Variants in NFE2L1 observed in about 807,000 individuals in gnomAD.
The protein encoded by NFE2L1 is NFE2 like bZIP transcription factor 1, also known as endoplasmic reticulum membrane sensor NFE2L1.
NFE2L1 carries 18 observed loss-of-function variants against 61.6 expected under a neutral mutation model. The ratio of observed to expected loss-of-function variants is 0.29; its 90% confidence interval spans 0.20 to 0.43. The LOEUF (loss-of-function observed/expected upper bound fraction) is 0.43, where lower values mean the gene tolerates loss of function less well. NFE2L1 is among the 20% of genes least tolerant of loss of function. The probability of loss-of-function intolerance (pLI) is 1.00; values close to 1 mark genes in which losing one functional copy is unlikely to be tolerated. For missense variants in NFE2L1, 827 were observed against 973.5 expected, an observed-to-expected ratio of 0.85 and a Z score of 2.00; for synonymous variants, 419 against 402.7, an observed-to-expected ratio of 1.04 and a Z score of -0.48.
rs2037485667 is a variant in NFE2L1 at position 48,059,255 on chromosome 17, T to C, written c.1933T>C (p.Tyr645His). 3 of 1,614,108 alleles carry C rather than the reference T, an allele frequency of 1.9e-6. No individual in the cohort carries two copies. In the East Asian group the frequency reaches 6.7e-5, roughly 36 times the overall value. Residue 645 changes from tyrosine (Y) to histidine (H), a missense_variant, in exon 6 of 6, where the codon TAC (tyrosine) becomes CAC (histidine). Coordinates refer to ENST00000362042, the MANE Select transcript of NFE2L1 (RefSeq NM_003204.3). This position sits in a 1 kb window ranked among gnomAD's most constrained non-coding sequence, Gnocchi z 6.1. ...VEEFNELLSKYQLSEAQLSLI... is the reference protein window; with the variant it reads ...VEEFNELLSKHQLSEAQLSLI... The stretch of plus-strand genomic sequence containing the variant: ...GGAGTTCAATGAACTGCTGTCCAAA[T>C]ACCAGTTGAGTGAAGCCCAGCTGAG...
At chr17:48,056,926 G>C (rs888077624) in intron 3 of NFE2L1, 106 bp from the exon 4 acceptor site, 2 of 1,145,956 alleles carry the variant, frequency 1.7e-6, no homozygotes, top group African/African-American at 3.1e-5. Context: ...CCATTAGCCT[G>C]GGAATGGGAG....
In NFE2L1 at chr17:48,057,407, C is replaced by T; in HGVS notation, c.877C>T (p.Gln293Ter). Residue 293 changes from glutamine to a stop codon, truncating the protein, a stop_gained, in exon 5 of 6, where the codon CAA becomes TAA. Transcript: ENST00000362042. LOFTEE classifies it high-confidence loss of function. ...TAGTGAGAGTGAGCCCCCTGCTCTT[C>T]AAAACAACCTCTTGTCTCCTCTTCT... ...VPSESEPPALQNNLLSPLLTG... is the reference protein window; with the variant it reads ...VPSESEPPAL 6.2e-7 allele frequency: 1 copy of T among 1,614,208 alleles called. No homozygotes were observed.
In NFE2L1 at chr17:48,051,360, G is replaced by A. The variant is rs370850258; in HGVS notation, c.242G>A (p.Arg81Gln). The A allele has an allele frequency of 2.2e-5, 35 of 1,613,970 alleles. No individual in the cohort carries two copies. Among genetic ancestry groups the A allele is most frequent in the Non-Finnish European group, 2.7e-5 (32 of 1,180,034 alleles). The change falls in exon 2 of 6, where the codon CGG (arginine) becomes CAG (glutamine). Residue 81 changes from arginine to glutamine, a missense_variant. Arg to Gln is a conservative substitution (Grantham distance 43, BLOSUM62 1). This residue lies in a region of NFE2L1 where 667 missense variants were observed against 748.4 expected (regional missense o/e 0.89). Coordinates refer to ENST00000362042, the MANE Select transcript of NFE2L1 (RefSeq NM_003204.3). ...GACCTGGACAATTACTTCACTGCCCGGCGGCTCCTCAGTCAGGTGAGGGCC... is the reference window on the plus strand; with the variant it reads ...GACCTGGACAATTACTTCACTGCCCAGCGGCTCCTCAGTCAGGTGAGGGCC... ...SIDLDNYFTA[R>Q]RLLSQVRALD...
intron 1 of NFE2L1, among the ~76,000 whole-genome samples, chr17:48,049,326 C>T (rs774496627): frequency 6.6e-6 from 1 of 152,218 alleles, no homozygotes; most frequent in Non-Finnish European, 1.5e-5. Flanking sequence ...AAATTCTGGA[C>T]GGAATAGTCC....
rs1346016831 is a variant in NFE2L1, at chr17:48,059,010, C to T, written c.1688C>T (p.Ser563Leu). The change falls in exon 6 of 6, where the codon TCA becomes TTA. Residue 563 changes from serine to leucine, a missense_variant. Around this residue, in one of 3 missense-constraint regions of NFE2L1, gnomAD observed 667 missense variants for 748.4 expected, o/e 0.89. Coordinates refer to ENST00000362042, the MANE Select transcript of NFE2L1 (RefSeq NM_003204.3). This position sits in a 1 kb window ranked among gnomAD's most constrained non-coding sequence, Gnocchi z 6.1. The stretch of plus-strand genomic sequence containing the variant: ...AGCTACCAGGATCCAGCTCAGCTCT[C>T]ATGCCTGCCCTACCTGGAGCACGTG... ...RMSYQDPAQLSCLPYLEHVGH... is the reference protein window; with the variant it reads ...RMSYQDPAQLLCLPYLEHVGH... 4.3e-6 allele frequency: 7 copies of T among 1,614,116 alleles called. No homozygotes were observed. Among genetic ancestry groups the T allele is most frequent in the Non-Finnish European group, 5.9e-6 (7 of 1,180,050 alleles).
At position 48,056,382 on chromosome 17, in the gene NFE2L1, T is replaced by C. The variant is rs771797483; in HGVS notation, c.511-4T>C. ...GAGCTAAAGTCATGTGATCTGTCTT[T>C]CAGGACATAGATCTGATTGACATCC... On this transcript the variant is annotated splice_polypyrimidine_tract_variant and splice_region_variant and intron_variant, in intron 2 of 5. Coordinates refer to ENST00000362042, the MANE Select transcript of NFE2L1 (RefSeq NM_003204.3). The C allele has an allele frequency of 3.1e-6, 5 of 1,614,134 alleles. No homozygotes were observed. The South Asian group carries it at 3.3e-5, about 11-fold the overall frequency.
Position 48,057,481 on chromosome 17 carries a change from C to T in NFE2L1, c.951C>T (p.Leu317=), listed in dbSNP as rs374254839. The T allele has an allele frequency of 1.2e-6, 2 of 1,612,998 alleles. No homozygotes were observed. The highest frequency in any genetic ancestry group is 1.3e-5 in the African/African-American group (1 of 74,886). Reference sequence around the variant, plus strand: ...ATTTGGAACAGCAGTGGCAAGATCTCATGTCCATCATGGAAATGCAGGTAG... The same window carrying T: ...ATTTGGAACAGCAGTGGCAAGATCTTATGTCCATCATGGAAATGCAGGTAG... The part of the protein sequence containing the change: ...PFDLEQQWQD[L]MSIMEMQAME... Residue 317 remains leucine, a synonymous_variant, in exon 5 of 6, where the codon CTC becomes CTT. Transcript: ENST00000362042.
rs528359921 is a variant in NFE2L1 at position 48,055,319 on chromosome 17, C to CT, written c.511-1064dup. Among the ~76,000 whole-genome samples the CT allele has an allele frequency of 2.6e-4, 40 of 152,198 alleles. No individual in the cohort carries two copies. In the East Asian group the frequency reaches 7.1e-3, roughly 27 times the overall value. ...TTTAACCCCTGGATGGAAGGCAACACTTTAGGGTTTCTTCAGGCTTGTAGG... is the reference window on the plus strand; with the variant it reads ...TTTAACCCCTGGATGGAAGGCAACACTTTTAGGGTTTCTTCAGGCTTGTAGG... On this transcript the variant is annotated intron_variant, in intron 2 of 5. Coordinates refer to ENST00000362042, the MANE Select transcript of NFE2L1 (RefSeq NM_003204.3).
intron 4 of NFE2L1, 71 bp from the exon 5 acceptor site, chr17:48,057,273 G>A (rs1355516077): frequency 5.0e-6 from 8 of 1,597,614 alleles, no homozygotes; most frequent in Middle Eastern, 1.8e-4. Context: ...ACAGGTCCAG[G>A]TGGTAATCTC....
chr17:48,057,069 A>G lies in NFE2L1; in HGVS notation c.761A>G (p.Glu254Gly). 2.5e-6 allele frequency: 4 copies of G among 1,613,802 alleles called. No individual in the cohort carries two copies. The highest frequency in any genetic ancestry group is 3.4e-6 in the Non-Finnish European group (4 of 1,179,938). The change falls in exon 4 of 6, where the codon GAA becomes GGA. Residue 254 changes from glutamate (E) to glycine (G), a missense_variant. Physicochemically the swap from Glu to Gly is moderately conservative, Grantham distance 98 (BLOSUM62 -2). This residue lies in a region of NFE2L1 where 667 missense variants were observed against 748.4 expected (regional missense o/e 0.89). Transcript: ENST00000362042. ...SGEDQTALSL[E>G]ECLRLLEATC... ...GAGGACCAGACGGCCCTGTCCCTGG[A>G]AGAGTGCCTTAGGCTGCTGGAAGCC... is the stretch of plus-strand genomic sequence containing the variant.
intron 4 of NFE2L1, 76 bp from the exon 5 acceptor site, chr17:48,057,268 T>C: frequency 6.3e-7 from 1 of 1,595,868 alleles, no homozygotes. Flanking sequence ...CAGAAACAGG[T>C]CCAGGTGGTA....
chr17:48,050,664 C>T lies in NFE2L1; in HGVS notation c.-455C>T, dbSNP rs894923265. 6.9e-6 allele frequency: 3 copies of T among 431,970 alleles called. No individual in the cohort carries two copies. Among genetic ancestry groups the T allele is most frequent in the Admixed American group, 3.8e-5 (1 of 26,120 alleles). The allele number at this position is 431,970 out of a possible 1,614,324, so 26.8% of individuals were successfully genotyped here. Reference sequence around the variant, plus strand: ...GGAGGCGGGACACTCTGACCCAAGACGAAAGGCCTGTAGCTCCAGCCAAAG... The same window carrying T: ...GGAGGCGGGACACTCTGACCCAAGATGAAAGGCCTGTAGCTCCAGCCAAAG... On this transcript the variant is annotated 5_prime_UTR_variant, in exon 2 of 6. In the 5' UTR this introduces an upstream ATG that the reference lacks. Transcript: ENST00000362042.
chr17:48,056,543 C>G lies in NFE2L1; in HGVS notation c.668C>G (p.Ala223Gly). ...QDTWAGEGAE[A>G]LARNLLVDGE... Reference sequence around the variant, plus strand: ...ACCTGGGCAGGCGAGGGCGCGGAAGCTCTGGCACGGAACCTGCTAGTGGAT... The same window carrying G: ...ACCTGGGCAGGCGAGGGCGCGGAAGGTCTGGCACGGAACCTGCTAGTGGAT... Residue 223 changes from alanine to glycine, a missense_variant, in exon 3 of 6, where the codon GCT (alanine) becomes GGT (glycine). Coordinates refer to ENST00000362042, the MANE Select transcript of NFE2L1 (RefSeq NM_003204.3). 6.2e-7 allele frequency: 1 copy of G among 1,614,072 alleles called. No homozygotes were observed. Among genetic ancestry groups the G allele is most frequent in the Non-Finnish European group, 8.5e-7 (1 of 1,180,004 alleles).
chr17:48,052,631 T>C (rs1018381683), intron 2 of NFE2L1, among the ~76,000 whole-genome samples: 1 of 152,248 alleles, frequency 6.6e-6, no homozygotes, highest in Admixed American at 6.5e-5. Context: ...CTTAGTTCTC[T>C]GACTGTTAGT....
At chr17:48,057,265 A>G (rs745579284) in intron 4 of NFE2L1, 79 bp from the exon 5 acceptor site, 203 of 1,590,574 alleles carry the variant, frequency 1.3e-4, no homozygotes, top group Non-Finnish European at 1.6e-4. Context: ...GAACAGAAAC[A>G]GGTCCAGGTG....
chr17:48,054,778 G>A, intron 2 of NFE2L1: 1 of 1,319,526 alleles, frequency 7.6e-7, no homozygotes. Context: ...TCAGGGTGGG[G>A]GCAGCTGGGC....
At position 48,059,724 on chromosome 17, in the gene NFE2L1, C is replaced by T. The variant is rs1598295672; in HGVS notation, c.*83C>T. ...CCTGGACCTGGACCTGGACCTACAG[C>T]GGGGACTTAAATGCCTTCTTATCCA... On this transcript the variant is annotated 3_prime_UTR_variant, in exon 6 of 6. Transcript: ENST00000362042. This position sits in a 1 kb window ranked among gnomAD's most constrained non-coding sequence, Gnocchi z 6.1. 1.1e-5 allele frequency: 16 copies of T among 1,485,528 alleles called. No homozygotes were observed. Among genetic ancestry groups the T allele is most frequent in the Admixed American group, 2.5e-5 (1 of 40,564 alleles). The allele number at this position is 1,485,528 out of a possible 1,614,324, so 92.0% of individuals were successfully genotyped here.
chr17:48,059,520 A>G lies in NFE2L1; in HGVS notation c.2198A>G (p.Tyr733Cys). The change falls in exon 6 of 6, where the codon TAC (tyrosine) becomes TGC (cysteine). Residue 733 changes from tyrosine to cysteine, a missense_variant. Physicochemically the swap from Tyr to Cys is radical, Grantham distance 194 (BLOSUM62 -2). This residue lies in a region of NFE2L1 where 86 missense variants were observed against 97.3 expected (regional missense o/e 0.88). Transcript: ENST00000362042. This position sits in a 1 kb window ranked among gnomAD's most constrained non-coding sequence, Gnocchi z 6.1. Reference protein sequence around the residue: ...GRLRDENGRPYSPSQYALQYA... With the variant: ...GRLRDENGRPCSPSQYALQYA... ...CTGCGAGATGAGAACGGACGACCCT[A>G]CTCGCCCAGTCAGTATGCGCTCCAG... 1.2e-6 allele frequency: 2 copies of G among 1,613,728 alleles called. No homozygotes were observed. Among genetic ancestry groups the G allele is most frequent in the East Asian group, 2.2e-5 (1 of 44,854 alleles).
intron 1 of NFE2L1, among the ~76,000 whole-genome samples, chr17:48,049,502 C>T (rs947352263): frequency 1.3e-5 from 2 of 152,184 alleles, no homozygotes; most frequent in African/African-American, 2.4e-5. Context: ...AAGCGATTCT[C>T]CTGTCTCAGC....
Sources: allele counts gnomAD v4.1 joint callset (sites outside exome capture counted in the v4.1 genomes callset), GRCh38; gene constraint gnomAD v4.1.1; regional missense constraint gnomAD v4.1.1; non-coding constraint Gnocchi (gnomAD v3.1); transcripts MANE v1.5; gene names NCBI Gene and HGNC (gene_info 2026-07-23, HGNC 2026-07-21).